SPAG16: variants seen among roughly 807,000 people sequenced by gnomAD.
SPAG16 encodes sperm-associated antigen 16 protein.
SPAG16 carries 86 observed loss-of-function variants against 80.4 expected under a neutral mutation model. That is an observed-to-expected ratio of 1.07 (90% CI 0.90 to 1.28). The LOEUF (loss-of-function observed/expected upper bound fraction) is 1.28. Among genes scored for constraint, SPAG16 ranks in the 50% most tolerant of loss-of-function variants. The pLI is 0.00. For synonymous variants in SPAG16, 294 were observed against 265.9 expected, an observed-to-expected ratio of 1.11 and a Z score of -1.03; for missense variants, 870 against 765.3, an observed-to-expected ratio of 1.14 and a Z score of -1.61.
chr2:213,496,046 C>G (rs1246915840), intron 10 of SPAG16, among the ~76,000 whole-genome samples: 1 of 152,068 alleles, frequency 6.6e-6, no homozygotes, highest in Non-Finnish European at 1.5e-5. Context: ...AAGAATTACA[C>G]AGTTTTACAT....
chr2:213,361,828 CAG>C (rs1553637660), intron 7 of SPAG16, among the ~76,000 whole-genome samples: 1 of 144,860 alleles, frequency 6.9e-6, no homozygotes, highest in Non-Finnish European at 1.5e-5. Flanking sequence ...CACACACACA[CAG>C]AGGCTGTGAA....
intron 13 of SPAG16, among the ~76,000 whole-genome samples, chr2:214,050,292 A>T (rs1447082190): frequency 6.6e-5 from 2 of 30,182 alleles, no homozygotes; most frequent in African/African-American, 1.6e-4. Context: ...GGCCCCAGCT[A>T]AAAAAAAAAA....
chr2:213,385,379 T>C (rs910485665), intron 9 of SPAG16, among the ~76,000 whole-genome samples: 2 of 152,186 alleles, frequency 1.3e-5, no homozygotes, highest in Admixed American at 6.5e-5. Context: ...TACTCTCATA[T>C]TGATAAACTC....
chr2:213,856,630 G>A (rs569837288), intron 10 of SPAG16, among the ~76,000 whole-genome samples: 10 of 152,206 alleles, frequency 6.6e-5, no homozygotes, highest in African/African-American at 2.4e-4. Flanking sequence ...CTTGACTTCT[G>A]ATCCCCCACA....
chr2:213,331,595 A>G (rs1015205692), intron 5 of SPAG16, among the ~76,000 whole-genome samples: 2 of 152,226 alleles, frequency 1.3e-5, no homozygotes, highest in African/African-American at 4.8e-5. Flanking sequence ...TGGACTTGAT[A>G]GATATTTCCA....
intron 15 of SPAG16, among the ~76,000 whole-genome samples, chr2:214,245,216 A>G (rs920056031): frequency 1.3e-5 from 2 of 152,106 alleles, no homozygotes; most frequent in African/African-American, 2.4e-5. Context: ...CGGATTTAGG[A>G]TTTATATAGA....
At chr2:214,298,401 T>C (rs76084863) in intron 15 of SPAG16, among the ~76,000 whole-genome samples, 72 of 152,228 alleles carry the variant, frequency 4.7e-4, no homozygotes, top group African/African-American at 1.6e-3. Context: ...AGGAGGATGA[T>C]GATGAAATTA....
rs12617047 is a variant in SPAG16, at chr2:213,877,221, C to T, written c.1214+14593C>T. 1.4e-3 allele frequency among the ~76,000 whole-genome samples: 208 copies of T among 152,160 alleles called. 9 individuals carry two copies. In the East Asian group the frequency reaches 0.038, roughly 28 times the overall value. Reference sequence around the variant, plus strand: ...AATCCACTTATTAAGGATATCTTTCCCCAACCCTTAAATTATTATTTAAGA... The same window carrying T: ...AATCCACTTATTAAGGATATCTTTCTCCAACCCTTAAATTATTATTTAAGA... On this transcript the variant is annotated intron_variant, in intron 11 of 15. Transcript: ENST00000331683.
At chr2:213,574,628 C>G (rs1274451907) in intron 10 of SPAG16, among the ~76,000 whole-genome samples, 1 of 146,176 alleles carries the variant, frequency 6.8e-6, no homozygotes, top group African/African-American at 2.6e-5. Flanking sequence ...GTTGTAACTC[C>G]TTACGATCAC....
At chr2:214,376,720 G>T (rs1208508014) in intron 15 of SPAG16, among the ~76,000 whole-genome samples, 1 of 152,084 alleles carries the variant, frequency 6.6e-6, no homozygotes, top group Non-Finnish European at 1.5e-5. Context: ...CCAACGACTT[G>T]TCTGTTTGAC....
At chr2:214,357,020 A>G (rs1198991697) in intron 15 of SPAG16, among the ~76,000 whole-genome samples, 1 of 151,740 alleles carries the variant, frequency 6.6e-6, no homozygotes, top group African/African-American at 2.4e-5. Context: ...TTTGTAGGGA[A>G]CCATTTTCTT....
chr2:214,042,757 G>A (rs2049105713), intron 13 of SPAG16, among the ~76,000 whole-genome samples: 1 of 152,112 alleles, frequency 6.6e-6, no homozygotes, highest in Admixed American at 6.6e-5. Context: ...AGTACAGAGA[G>A]CAATGCAACT....
chr2:214,260,524 A>C (rs965755476), intron 15 of SPAG16, among the ~76,000 whole-genome samples: 1 of 146,748 alleles, frequency 6.8e-6, no homozygotes, highest in African/African-American at 2.5e-5. Context: ...ATCTGACTAC[A>C]CTGGCATCCA....
At chr2:214,250,757 T>G (rs6435820) in intron 15 of SPAG16, among the ~76,000 whole-genome samples, 55,252 of 91,930 alleles carry the variant, frequency 0.6, 16,233 homozygotes, top group Non-Finnish European at 0.65. Context: ...TATATATATA[T>G]AGAGAGAGAG....
chr2:213,757,776 T>C (rs752917495), intron 10 of SPAG16, among the ~76,000 whole-genome samples: 10 of 151,848 alleles, frequency 6.6e-5, no homozygotes, highest in Non-Finnish European at 1.3e-4. Flanking sequence ...GGAACCAGAG[T>C]GGGCAAAAAA....
At chr2:214,225,705 T>A (rs2058683929) in intron 15 of SPAG16, among the ~76,000 whole-genome samples, 1 of 152,158 alleles carries the variant, frequency 6.6e-6, no homozygotes, top group Non-Finnish European at 1.5e-5. Flanking sequence ...GATTGTTGTG[T>A]GTCCAATCTA....
At chr2:214,234,073 T>TA (rs1241284220) in intron 15 of SPAG16, among the ~76,000 whole-genome samples, 1 of 120,696 alleles carries the variant, frequency 8.3e-6, no homozygotes, top group South Asian at 3.4e-4. Context: ...TATGTGTTGT[T>TA]TCCCCCCCCA....
Position 214,047,444 on chromosome 2 carries a change from A to G in SPAG16, c.1527+33367A>G, listed in dbSNP as rs73075041. ...AGTGCCGAGAACACACACCTGGGGG[A>G]AAAATATCTTTTCAATAAATGTTGC... On this transcript the variant is annotated intron_variant, in intron 13 of 15. Transcript: ENST00000331683. Among the ~76,000 whole-genome samples the G allele has an allele frequency of 6.3e-3, 964 of 152,254 alleles. 6 individuals are homozygous for G. The highest frequency in any genetic ancestry group is 0.022 in the African/African-American group (932 of 41,558).
intron 10 of SPAG16, among the ~76,000 whole-genome samples, chr2:213,778,731 A>G (rs2069757770): frequency 6.6e-6 from 1 of 152,024 alleles, no homozygotes; most frequent in Non-Finnish European, 1.5e-5. Context: ...CTCTGCCACT[A>G]TCTCTAGTTC....
Sources: allele counts gnomAD v4.1 joint callset (sites outside exome capture counted in the v4.1 genomes callset), GRCh38; gene constraint gnomAD v4.1.1; transcripts MANE v1.5; gene names NCBI Gene and HGNC (gene_info 2026-07-23, HGNC 2026-07-21).